The following CNTNAP2 variants were observed in gnomAD, a reference collection of about 807,000 sequenced individuals.
CNTNAP2 encodes contactin-associated protein-like 2.
A neutral mutation model predicts 155.2 loss-of-function variants in CNTNAP2; 98 were observed. The ratio of observed to expected loss-of-function variants is 0.63; its 90% CI spans 0.54 to 0.75. The LOEUF is 0.75. Among genes scored for constraint, CNTNAP2 ranks in the 30% least tolerant of loss-of-function variants. CNTNAP2 has a pLI of 0.00. For missense variants in CNTNAP2, 1,727 were observed against 1,688.1 expected, an observed-to-expected ratio of 1.02 and a Z score of -0.40; for synonymous variants, 651 against 631.2, an observed-to-expected ratio of 1.03 and a Z score of -0.47.
At chr7:146,943,407 G>A (rs890727222) in intron 3 of CNTNAP2, among the ~76,000 whole-genome samples, 18 of 152,200 alleles carry the variant, frequency 1.2e-4, no homozygotes, top group Admixed American at 5.2e-4. Flanking sequence ...CAAGAGAATC[G>A]CTTAAACCTG....
intron 18 of CNTNAP2, among the ~76,000 whole-genome samples, chr7:148,174,641 A>T (rs1253717613): frequency 6.6e-6 from 1 of 152,220 alleles, no homozygotes; most frequent in Non-Finnish European, 1.5e-5. Context: ...ATACAAAATA[A>T]AACATGCATA....
chr7:147,626,161 G>C (rs1157350199), intron 12 of CNTNAP2, among the ~76,000 whole-genome samples: 1 of 152,050 alleles, frequency 6.6e-6, no homozygotes, highest in Admixed American at 6.6e-5. Context: ...AATCTTCTCA[G>C]GTGAAGTCCA....
At chr7:146,576,094 G>A (rs1337374116) in intron 1 of CNTNAP2, among the ~76,000 whole-genome samples, 1 of 152,178 alleles carries the variant, frequency 6.6e-6, no homozygotes, top group Non-Finnish European at 1.5e-5. Context: ...GTGAAGAACT[G>A]TATACTGTCA....
intron 14 of CNTNAP2, among the ~76,000 whole-genome samples, chr7:147,963,559 C>G (rs770498968): frequency 6.6e-6 from 1 of 152,102 alleles, no homozygotes; most frequent in Admixed American, 6.6e-5. Flanking sequence ...TAAACAGTCA[C>G]GTTGAGGAAC....
intron 15 of CNTNAP2, among the ~76,000 whole-genome samples, chr7:148,117,556 C>T (rs73472283): frequency 0.023 from 3,467 of 152,250 alleles, 129 homozygotes; most frequent in African/African-American, 0.079. Context: ...AAAGCAAGAG[C>T]AAACTACCAA....
At chr7:146,760,708 A>G (rs1052227552) in intron 1 of CNTNAP2, among the ~76,000 whole-genome samples, 2 of 152,008 alleles carry the variant, frequency 1.3e-5, no homozygotes, top group African/African-American at 4.8e-5. Flanking sequence ...TACAGGTGTG[A>G]GCCACCACAC....
At chr7:147,751,879 G>A (rs1468331228) in intron 13 of CNTNAP2, among the ~76,000 whole-genome samples, 1 of 152,254 alleles carries the variant, frequency 6.6e-6, no homozygotes, top group East Asian at 1.9e-4. Context: ...ACACTTGACT[G>A]CTGGGATGAT....
chr7:147,020,188 C>T (rs1216730256), intron 3 of CNTNAP2, among the ~76,000 whole-genome samples: 1 of 152,092 alleles, frequency 6.6e-6, no homozygotes, highest in African/African-American at 2.4e-5. Flanking sequence ...TGAGCTATTA[C>T]ACTTGATGCA....
chr7:147,236,047 T>C (rs1488837308), intron 8 of CNTNAP2, among the ~76,000 whole-genome samples: 13 of 152,162 alleles, frequency 8.5e-5, no homozygotes, highest in African/African-American at 2.9e-4. Flanking sequence ...GCTCCCATTG[T>C]CTTTGATATA....
chr7:146,400,590 T>C (rs980162267), intron 1 of CNTNAP2, among the ~76,000 whole-genome samples: 1 of 152,218 alleles, frequency 6.6e-6, no homozygotes, highest in African/African-American at 2.4e-5. Flanking sequence ...CTGCTGAGAA[T>C]AGTGAGTAAA....
At chr7:147,366,845 G>A (rs1796239629) in intron 9 of CNTNAP2, among the ~76,000 whole-genome samples, 1 of 151,046 alleles carries the variant, frequency 6.6e-6, no homozygotes, top group East Asian at 1.9e-4. Context: ...TAATATAATT[G>A]CATTATAATC....
chr7:147,602,991 G>A (rs1001867368), intron 12 of CNTNAP2, among the ~76,000 whole-genome samples: 21 of 152,186 alleles, frequency 1.4e-4, no homozygotes, highest in African/African-American at 4.6e-4. Context: ...AGTCCTTTGG[G>A]TATATACCCA....
chr7:148,064,156 C>A (rs187344220), intron 15 of CNTNAP2, among the ~76,000 whole-genome samples: 11 of 152,024 alleles, frequency 7.2e-5, no homozygotes, highest in Middle Eastern at 3.4e-3. Context: ...CTTGAAGTCA[C>A]GTAATGTAAT....
intron 22 of CNTNAP2, among the ~76,000 whole-genome samples, chr7:148,401,401 T>C (rs1799579154): frequency 6.6e-6 from 1 of 152,224 alleles, no homozygotes; most frequent in South Asian, 2.1e-4. Flanking sequence ...ACTTTACAAG[T>C]GCCCACAATA....
intron 9 of CNTNAP2, among the ~76,000 whole-genome samples, chr7:147,336,073 A>C (rs892926532): frequency 3.3e-5 from 5 of 152,174 alleles, no homozygotes; most frequent in Non-Finnish European, 7.4e-5. Flanking sequence ...CAAAGAGAAT[A>C]TAGAAGTGTT....
At chr7:147,736,955 C>T (rs996342991) in intron 13 of CNTNAP2, among the ~76,000 whole-genome samples, 7 of 152,138 alleles carry the variant, frequency 4.6e-5, no homozygotes, top group Non-Finnish European at 1.0e-4. Context: ...AACTTCTTTG[C>T]CATGGGTTCG....
chr7:148,061,538 A>G (rs1025635986), intron 15 of CNTNAP2, among the ~76,000 whole-genome samples: 1 of 151,980 alleles, frequency 6.6e-6, no homozygotes, highest in Admixed American at 6.6e-5. Context: ...TATTTTTAGT[A>G]GAGACGAGGT....
chr7:146,208,343 G>A (rs548366289), intron 1 of CNTNAP2, among the ~76,000 whole-genome samples: 5 of 152,012 alleles, frequency 3.3e-5, no homozygotes, highest in Admixed American at 6.6e-5. Context: ...ATTACTAAGT[G>A]TAACAGAATT....
At chr7:146,723,841 A>G (rs895463881) in intron 1 of CNTNAP2, among the ~76,000 whole-genome samples, 2 of 152,180 alleles carry the variant, frequency 1.3e-5, no homozygotes, top group Admixed American at 1.3e-4. Flanking sequence ...AGAATTCTCT[A>G]TAGGCTATTG....
Sources: allele counts gnomAD v4.1 joint callset (sites outside exome capture counted in the v4.1 genomes callset), GRCh38; gene constraint gnomAD v4.1.1; transcripts MANE v1.5; gene names NCBI Gene and HGNC (gene_info 2026-07-23, HGNC 2026-07-21).